Variants in HSPA12A observed in about 807,000 individuals in gnomAD.
HSPA12A encodes the protein heat shock protein family A (Hsp70) member 12A.
In HSPA12A, 28 loss-of-function variants were observed where a neutral mutation model predicts 69.2. That is an observed-to-expected ratio of 0.40 (90% CI 0.30 to 0.55). HSPA12A has a LOEUF of 0.55. Among genes scored for constraint, HSPA12A ranks in the 20% least tolerant of loss-of-function variants. HSPA12A has a pLI of 0.38. For missense variants in HSPA12A, 686 were observed against 900.7 expected (o/e 0.76, Z 3.05); for synonymous variants, 345 against 370.5 (o/e 0.93, Z 0.79).
chr10:116,797,204 T>A (rs1344875571), intron 2 of HSPA12A, among the ~76,000 whole-genome samples: 13 of 152,144 alleles, frequency 8.5e-5, no homozygotes. Flanking sequence ...CCTGAGACAC[T>A]AATAGATATG....
intron 2 of HSPA12A, among the ~76,000 whole-genome samples, chr10:116,824,727 C>G: frequency 6.6e-6 from 1 of 152,270 alleles, no homozygotes; most frequent in Middle Eastern, 3.4e-3. Context: ...CTCCGCCTGC[C>G]GGTTCAAGCA....
chr10:116,731,009 C>A (rs554358984), intron 1 of HSPA12A, among the ~76,000 whole-genome samples: 13 of 152,360 alleles, frequency 8.5e-5, no homozygotes, highest in Admixed American at 7.2e-4. Flanking sequence ...GGGCCAGCTT[C>A]TCTGCGCAGC....
intron 2 of HSPA12A, among the ~76,000 whole-genome samples, chr10:116,771,106 C>T (rs915210342): frequency 3.9e-5 from 6 of 152,036 alleles, no homozygotes; most frequent in African/African-American, 9.7e-5. Context: ...CTGTGGCTCC[C>T]GAGTCTGTAG....
intron 2 of HSPA12A, among the ~76,000 whole-genome samples, chr10:116,815,885 G>A (rs2133190308): frequency 6.6e-6 from 1 of 152,326 alleles, no homozygotes; most frequent in Middle Eastern, 3.4e-3. Flanking sequence ...GTATCTCCAG[G>A]GAATTCGTGT....
chr10:116,743,147 A>G (rs1002273697), upstream of HSPA12A, among the ~76,000 whole-genome samples: 3 of 152,208 alleles, frequency 2.0e-5, no homozygotes, highest in African/African-American at 7.2e-5. Context: ...GCGGGACTCC[A>G]TGGCAACTCC....
At chr10:116,767,654 C>A (rs1844110602) in intron 2 of HSPA12A, among the ~76,000 whole-genome samples, 1 of 152,192 alleles carries the variant, frequency 6.6e-6, no homozygotes, top group Non-Finnish European at 1.5e-5. Context: ...TGCACCATCA[C>A]CAGTGCTTTA....
chr10:116,831,897 T>A (rs532078557), intron 2 of HSPA12A: 1 of 152,208 alleles, frequency 6.6e-6, no homozygotes, highest in Non-Finnish European at 1.5e-5. Context: ...GCATGACAAC[T>A]GTTCACCCTC....
intron 3 of HSPA12A, among the ~76,000 whole-genome samples, chr10:116,702,003 A>G (rs1850089583): frequency 2.0e-5 from 3 of 152,132 alleles, no homozygotes; most frequent in Non-Finnish European, 2.9e-5. Flanking sequence ...TGAAAGAACC[A>G]TAGAAACAGA....
chr10:116,806,874 C>T (rs1309020084), intron 2 of HSPA12A, among the ~76,000 whole-genome samples: 1 of 152,220 alleles, frequency 6.6e-6, no homozygotes, highest in Non-Finnish European at 1.5e-5. Flanking sequence ...AAAAGAATCT[C>T]TGCAGATGTA....
At chr10:116,717,784 C>T (rs1274981610) in intron 1 of HSPA12A, among the ~76,000 whole-genome samples, 6 of 152,190 alleles carry the variant, frequency 3.9e-5, no homozygotes, top group Non-Finnish European at 7.3e-5. Context: ...AATACATTTC[C>T]TTTACGTTTT....
chr10:116,800,951 C>T (rs1844942877), intron 2 of HSPA12A, among the ~76,000 whole-genome samples: 1 of 152,200 alleles, frequency 6.6e-6, no homozygotes, highest in Admixed American at 6.5e-5. Flanking sequence ...CTTCGAAAAT[C>T]ACATTTCCTT....
chr10:116,737,104 A>G (rs1033614372), intron 1 of HSPA12A, among the ~76,000 whole-genome samples: 1 of 152,232 alleles, frequency 6.6e-6, no homozygotes, highest in African/African-American at 2.4e-5. Context: ...CATACTTTAC[A>G]GATGAGAAAA....
chr10:116,693,306 T>C (rs1849790032), intron 5 of HSPA12A, among the ~76,000 whole-genome samples: 1 of 152,200 alleles, frequency 6.6e-6, no homozygotes, highest in Non-Finnish European at 1.5e-5. Flanking sequence ...GAGGCCCATG[T>C]TGATAAAGGG....
At chr10:116,705,322 C>G in intron 2 of HSPA12A, 44 bp from the exon 3 acceptor site, 2 of 1,611,946 alleles carry the variant, frequency 1.2e-6, no homozygotes, top group Non-Finnish European at 1.7e-6. Flanking sequence ...AGGGGTGGGC[C>G]TGGCTTTCAG....
At chr10:116,763,789 A>T (rs1167344977) in intron 2 of HSPA12A, among the ~76,000 whole-genome samples, 4 of 152,266 alleles carry the variant, frequency 2.6e-5, no homozygotes, top group Non-Finnish European at 5.9e-5. Flanking sequence ...TTTCTAAGAA[A>T]GTCAGATTTA....
intron 2 of HSPA12A, among the ~76,000 whole-genome samples, chr10:116,763,859 CT>C (rs1554889521): frequency 1.3e-5 from 2 of 152,256 alleles, no homozygotes; most frequent in African/African-American, 4.8e-5. Context: ...ATGAAAGCCA[CT>C]GGTTGGAAGC....
chr10:116,801,473 C>A (rs535682049), intron 2 of HSPA12A, among the ~76,000 whole-genome samples: 7 of 152,178 alleles, frequency 4.6e-5, no homozygotes, highest in Non-Finnish European at 1.0e-4. Flanking sequence ...AGCCCCCATC[C>A]CGAGGGGGTT....
chr10:116,701,841 G>A (rs972393768), intron 3 of HSPA12A, among the ~76,000 whole-genome samples: 1 of 152,180 alleles, frequency 6.6e-6, no homozygotes, highest in Non-Finnish European at 1.5e-5. Context: ...AGAACCCTGG[G>A]GACTTAGACA....
chr10:116,780,697 C>T lies in HSPA12A; in HGVS notation c.91+54238G>A, dbSNP rs113635656. ...TCAAATCCTTTTAAAAATTATGATG[C>T]GTGCTTCTTCATTAAAACATTGAAT... On this transcript the variant is annotated intron_variant, in intron 2 of 12. Coordinates refer to the HSPA12A transcript ENST00000635765. 9.2e-3 allele frequency among the ~76,000 whole-genome samples: 1,404 copies of T among 152,078 alleles called. 18 individuals carry two copies. The highest frequency in any genetic ancestry group is 0.032 in the African/African-American group (1,335 of 41,466).
Sources: allele counts gnomAD v4.1 joint callset (sites outside exome capture counted in the v4.1 genomes callset), GRCh38; gene constraint gnomAD v4.1.1; transcripts MANE v1.5; gene names NCBI Gene and HGNC (gene_info 2026-07-23, HGNC 2026-07-21).